CGNL1: variants seen among roughly 807,000 people sequenced by gnomAD.
CGNL1 encodes cingulin-like protein 1.
A neutral mutation model predicts 141.2 loss-of-function variants in CGNL1; 132 were observed. The ratio of observed to expected loss-of-function variants is 0.93; its 90% CI spans 0.81 to 1.08. The LOEUF (loss-of-function observed/expected upper bound fraction) is 1.08, where lower values mean the gene tolerates loss of function less well. CGNL1 is among the 50% of genes least tolerant of loss of function. CGNL1 has a pLI of 0.00. For synonymous variants in CGNL1, 690 were observed against 622.1 expected, an observed-to-expected ratio of 1.11 and a Z score of -1.63; for missense variants, 1,870 against 1,588.6, an observed-to-expected ratio of 1.18 and a Z score of -3.01.
intron 1 of CGNL1, among the ~76,000 whole-genome samples, chr15:57,415,040 T>C (rs1301047925): frequency 3.3e-5 from 5 of 152,208 alleles, no homozygotes; most frequent in African/African-American, 9.6e-5. Flanking sequence ...TGGTGTCTTA[T>C]GGAACCCATG....
At chr15:57,447,691 A>C (rs1432133316) in intron 4 of CGNL1, among the ~76,000 whole-genome samples, 1 of 151,978 alleles carries the variant, frequency 6.6e-6, no homozygotes, top group East Asian at 1.9e-4. Context: ...ATTTATTTGA[A>C]TATTGCTTCT....
chr15:57,381,919 A>G (rs2062429531), intron 1 of CGNL1, among the ~76,000 whole-genome samples: 1 of 152,242 alleles, frequency 6.6e-6, no homozygotes, highest in Admixed American at 6.5e-5. Context: ...GTCTTAAAGA[A>G]GAGGGTAGAT....
At chr15:57,493,694 G>T (rs1021858942) in intron 8 of CGNL1, among the ~76,000 whole-genome samples, 1 of 129,120 alleles carries the variant, frequency 7.7e-6, no homozygotes, top group Non-Finnish European at 1.8e-5. Flanking sequence ...ATACACTCAT[G>T]TGTATAAGGA....
intron 14 of CGNL1, among the ~76,000 whole-genome samples, chr15:57,536,113 T>C (rs1666569): frequency 0.38 from 57,699 of 152,118 alleles, 11,380 homozygotes; most frequent in Middle Eastern, 0.47. Context: ...AGCAAAGGCA[T>C]GTCTTACATG....
chr15:57,482,180 A>C (rs942193562), intron 8 of CGNL1, among the ~76,000 whole-genome samples: 1 of 151,972 alleles, frequency 6.6e-6, no homozygotes, highest in African/African-American at 2.4e-5. Flanking sequence ...GCACTTTGTC[A>C]AATATGTGGT....
At chr15:57,543,887 C>A (rs1320597631) in intron 15 of CGNL1, 108 bp downstream of exon 15, 8 of 753,962 alleles carry the variant, frequency 1.1e-5, no homozygotes, top group African/African-American at 1.8e-5. Flanking sequence ...ACTTGGCATC[C>A]CAAGAACTCT....
intron 8 of CGNL1, among the ~76,000 whole-genome samples, chr15:57,469,933 G>A (rs2063558068): frequency 6.6e-6 from 1 of 152,234 alleles, no homozygotes; most frequent in African/African-American, 2.4e-5. Context: ...CTAATCTCAG[G>A]ATCAGTGGAA....
intron 4 of CGNL1, among the ~76,000 whole-genome samples, chr15:57,449,506 C>T (rs2063296515): frequency 6.6e-6 from 1 of 152,194 alleles, no homozygotes; most frequent in Non-Finnish European, 1.5e-5. Flanking sequence ...CCACTGTTAG[C>T]ATCCTATAGC....
Position 57,545,674 on chromosome 15 carries a change from C to G in CGNL1, c.3583C>G (p.Leu1195Val), listed in dbSNP as rs1567181006. ...GGTGATGCAGGTGGATGATGAGCAC[C>G]TGTCATTGACTGATCAGAAGGACCA... ...ELVMQVDDEH[L>V]SLTDQKDQLS... The change falls in exon 17 of 19, where the codon CTG becomes GTG. Residue 1195 changes from leucine (L) to valine (V), a missense_variant. Coordinates refer to ENST00000281282, the MANE Select transcript of CGNL1 (RefSeq NM_032866.5). 6.2e-7 allele frequency: 1 copy of G among 1,613,322 alleles called. No individual in the cohort carries two copies. The highest frequency in any genetic ancestry group is 8.5e-7 in the Non-Finnish European group (1 of 1,179,760).
intron 1 of CGNL1, among the ~76,000 whole-genome samples, chr15:57,422,616 A>G (rs1176489168): frequency 6.6e-6 from 1 of 152,218 alleles, no homozygotes; most frequent in Non-Finnish European, 1.5e-5. Flanking sequence ...TTAATGTAAA[A>G]GTACTTAGAT....
At chr15:57,381,388 C>G (rs1011802911) in intron 1 of CGNL1, among the ~76,000 whole-genome samples, 2 of 152,014 alleles carry the variant, frequency 1.3e-5, no homozygotes, top group Non-Finnish European at 2.9e-5. Context: ...GCTGAAATAC[C>G]GCCTCTACAA....
intron 1 of CGNL1, among the ~76,000 whole-genome samples, chr15:57,428,761 A>G (rs1404182030): frequency 6.6e-6 from 1 of 152,214 alleles, no homozygotes; most frequent in African/African-American, 2.4e-5. Context: ...GTAGTGGCTC[A>G]TGCCTGTATT....
chr15:57,452,919 T>C (rs1265740912), intron 6 of CGNL1, among the ~76,000 whole-genome samples: 1 of 152,186 alleles, frequency 6.6e-6, no homozygotes. Flanking sequence ...GAGGACATTA[T>C]ATAATAAAAG....
At chr15:57,493,729 CT>C (rs762742847) in intron 8 of CGNL1, among the ~76,000 whole-genome samples, 7 of 152,200 alleles carry the variant, frequency 4.6e-5, no homozygotes, top group Non-Finnish European at 1.0e-4. Context: ...TTTTAGAAAC[CT>C]TTGAAGTACC....
intron 8 of CGNL1, among the ~76,000 whole-genome samples, chr15:57,515,333 G>A (rs745945530): frequency 1.1e-4 from 17 of 152,164 alleles, no homozygotes; most frequent in Non-Finnish European, 2.1e-4. Flanking sequence ...GGATGCTCTG[G>A]TTCCTGAAAT....
intron 1 of CGNL1, among the ~76,000 whole-genome samples, chr15:57,389,690 A>G (rs1414496853): frequency 6.6e-6 from 1 of 152,238 alleles, no homozygotes; most frequent in Non-Finnish European, 1.5e-5. Flanking sequence ...ACATAAGCGT[A>G]AATATTTTAT....
chr15:57,451,244 T>C (rs1459455268), intron 4 of CGNL1, among the ~76,000 whole-genome samples: 3 of 152,234 alleles, frequency 2.0e-5, no homozygotes, highest in African/African-American at 7.2e-5. Flanking sequence ...AGTGTTGATA[T>C]ACCTGATGAA....
intron 8 of CGNL1, among the ~76,000 whole-genome samples, chr15:57,472,460 G>A (rs146101328): frequency 6.6e-6 from 1 of 152,286 alleles, no homozygotes; most frequent in African/African-American, 2.4e-5. Flanking sequence ...GTGTTTTTGT[G>A]GGGGAGTGTG....
At position 57,523,511 on chromosome 15, in the gene CGNL1, A is replaced by C; in HGVS notation, c.2738A>C (p.Gln913Pro). Reference protein sequence around the residue: ...AAQGNLSQTTQEQKQLSEKLK... With the variant: ...AAQGNLSQTTPEQKQLSEKLK... ...CAGGGAAATCTGAGTCAGACTACCCAGGAGCAGAAGCAGTTGTCTGAGAAG... is the reference window on the plus strand; with the variant it reads ...CAGGGAAATCTGAGTCAGACTACCCCGGAGCAGAAGCAGTTGTCTGAGAAG... The change falls in exon 11 of 19, where the codon CAG becomes CCG. Residue 913 changes from glutamine to proline, a missense_variant. Coordinates refer to ENST00000281282, the MANE Select transcript of CGNL1 (RefSeq NM_032866.5). The C allele has an allele frequency of 6.2e-7, 1 of 1,614,228 alleles. No individual in the cohort carries two copies. The highest frequency in any genetic ancestry group is 8.5e-7 in the Non-Finnish European group (1 of 1,180,034).
Sources: gnomAD v4.1 joint callset for allele counts (sites outside exome capture counted in the v4.1 genomes callset) on GRCh38, gnomAD v4.1.1 for gene constraint, MANE v1.5 for transcripts, NCBI Gene and HGNC (gene_info 2026-07-23, HGNC 2026-07-21) for gene names.